Variants in CDYL observed in about 807,000 individuals in gnomAD.
CDYL encodes the protein chromodomain Y like, also known as chromodomain Y-like protein.
In CDYL, 8 loss-of-function variants were observed where a neutral mutation model predicts 47.3. The ratio of observed to expected loss-of-function variants is 0.17; its 90% CI spans 0.10 to 0.31. CDYL has a LOEUF of 0.31. Ranked by LOEUF, CDYL falls within the 10% of genes least tolerant of loss-of-function variation. The pLI is 1.00. For synonymous variants in CDYL, 266 were observed against 265.0 expected (o/e 1.00, Z -0.04); for missense variants, 471 against 701.4 (o/e 0.67, Z 3.71).
upstream of CDYL, among the ~76,000 whole-genome samples, chr6:4,771,499 A>G (rs1017301623): frequency 5.9e-5 from 9 of 152,156 alleles, no homozygotes; most frequent in African/African-American, 1.7e-4. Flanking sequence ...TACACTAGAC[A>G]ATACTAGTGA....
rs182235500 is a variant in CDYL at position 4,852,128 on chromosome 6, G to A, written c.25-39585G>A. Among the ~76,000 whole-genome samples the A allele has an allele frequency of 5.9e-5, 9 of 152,230 alleles. No individual in the cohort carries two copies. In the East Asian group the frequency reaches 7.7e-4, roughly 13 times the overall value. On this transcript the variant is annotated intron_variant, in intron 1 of 6. Transcript: ENST00000397588. Reference sequence around the variant, plus strand: ...GCACCAGGCAGAAATCCCATTTCCCGTTAATGTTTCAACATGTGGATTTAG... The same window carrying A: ...GCACCAGGCAGAAATCCCATTTCCCATTAATGTTTCAACATGTGGATTTAG...
chr6:4,763,539 G>A (rs77739649), intron 3 of CDYL, among the ~76,000 whole-genome samples: 2 of 152,202 alleles, frequency 1.3e-5, no homozygotes, highest in South Asian at 2.1e-4. Context: ...AAAAGTATTG[G>A]TATTACATTT....
At position 4,828,925 on chromosome 6, in the gene CDYL, G is replaced by T. The variant is rs915683212; in HGVS notation, c.24+52118G>T. Among the ~76,000 whole-genome samples the T allele has an allele frequency of 1.1e-4, 16 of 151,992 alleles. 1 individual carries two copies. The highest frequency in any genetic ancestry group is 3.9e-4 in the African/African-American group (16 of 41,398). On this transcript the variant is annotated intron_variant, in intron 1 of 6. Transcript: ENST00000397588. ...CTAGTGAATTTTTTATTTCAATTAT[G>T]TACGTTTCAGCTCCAGAATGTTTGC...
At chr6:4,940,555 T>G (rs1581282345) in intron 4 of CDYL, among the ~76,000 whole-genome samples, 1 of 152,240 alleles carries the variant, frequency 6.6e-6, no homozygotes, top group Non-Finnish European at 1.5e-5. Context: ...AGCAGCTGAC[T>G]TTGTGACGAG....
intron 1 of CDYL, among the ~76,000 whole-genome samples, chr6:4,862,987 G>A (rs1761216113): frequency 6.6e-6 from 1 of 152,192 alleles, no homozygotes; most frequent in Non-Finnish European, 1.5e-5. Context: ...TAAAGAAAAT[G>A]TGGTACATAT....
intron 1 of CDYL, among the ~76,000 whole-genome samples, chr6:4,823,434 A>G (rs1409462719): frequency 6.6e-6 from 1 of 152,264 alleles, no homozygotes; most frequent in Non-Finnish European, 1.5e-5. Flanking sequence ...GCATTCATGC[A>G]TGCCTTCCAT....
chr6:4,765,095 G>A (rs1271398057), intron 3 of CDYL, among the ~76,000 whole-genome samples: 1 of 152,044 alleles, frequency 6.6e-6, no homozygotes, highest in Non-Finnish European at 1.5e-5. Flanking sequence ...GGTCAAGGTG[G>A]GTGGATTAAC....
At chr6:4,919,874 A>G (rs1757661843) in intron 2 of CDYL, among the ~76,000 whole-genome samples, 1 of 152,224 alleles carries the variant, frequency 6.6e-6, no homozygotes, top group Non-Finnish European at 1.5e-5. Context: ...TACCCAAAGA[A>G]TTGAAAGCCG....
chr6:4,893,663 A>G (rs1470365712), intron 2 of CDYL, among the ~76,000 whole-genome samples: 2 of 151,012 alleles, frequency 1.3e-5, no homozygotes, highest in African/African-American at 4.9e-5. Context: ...ATTGCACTCC[A>G]GCCAGGGTGA....
intron 2 of CDYL, among the ~76,000 whole-genome samples, chr6:4,917,804 T>C (rs1757598621): frequency 1.3e-5 from 2 of 152,210 alleles, no homozygotes; most frequent in African/African-American, 4.8e-5. Context: ...GAACCCCTCC[T>C]TACTCTGGGT....
chr6:4,850,083 G>A (rs1394911885), intron 1 of CDYL, among the ~76,000 whole-genome samples: 13 of 152,050 alleles, frequency 8.5e-5, no homozygotes, highest in Non-Finnish European at 1.8e-4. Context: ...GAGTTTTGTG[G>A]GTAAGAGGAA....
chr6:4,829,094 T>G (rs1398386603), intron 1 of CDYL, among the ~76,000 whole-genome samples: 1 of 152,238 alleles, frequency 6.6e-6, no homozygotes, highest in Non-Finnish European at 1.5e-5. Context: ...TGTCAATTAT[T>G]TTATTATTTT....
At chr6:4,740,561 T>C (rs377720932) in intron 3 of CDYL, among the ~76,000 whole-genome samples, 2 of 152,306 alleles carry the variant, frequency 1.3e-5, no homozygotes, top group African/African-American at 4.8e-5. Flanking sequence ...TTGCATTGAA[T>C]CTAATATACT....
chr6:4,770,697 A>G (rs1451743153), intron 3 of CDYL, among the ~76,000 whole-genome samples: 3 of 152,244 alleles, frequency 2.0e-5, no homozygotes, highest in Non-Finnish European at 4.4e-5. Flanking sequence ...ACTCTGGGAT[A>G]TGTGTAATTC....
At chr6:4,873,764 T>G (rs998710375) in intron 1 of CDYL, among the ~76,000 whole-genome samples, 8 of 152,204 alleles carry the variant, frequency 5.3e-5, no homozygotes, top group Non-Finnish European at 1.2e-4. Flanking sequence ...AGTTTAGCAT[T>G]CCTGTGGTGA....
intron 1 of CDYL, among the ~76,000 whole-genome samples, chr6:4,818,356 A>T (rs941619854): frequency 6.6e-6 from 1 of 152,184 alleles, no homozygotes; most frequent in Non-Finnish European, 1.5e-5. Flanking sequence ...TTTCTAAGAA[A>T]GATTGTTTCT....
chr6:4,837,739 A>G (rs1479253385), intron 1 of CDYL, among the ~76,000 whole-genome samples: 2 of 150,984 alleles, frequency 1.3e-5, no homozygotes, highest in African/African-American at 2.4e-5. Context: ...CTGGGCTTAC[A>G]GGCACATGAG....
Position 4,952,396 on chromosome 6 carries a change from C to G in CDYL, c.1463C>G (p.Ser488Trp), listed in dbSNP as rs370584550. ...ATGGTTCGCATTAAGGAGCTTGCCT[C>G]GTGCAATCCAGTTGTATGTCTAATT... is the stretch of plus-strand genomic sequence containing the variant. The part of the protein sequence containing the change: ...EVMVRIKELA[S>W]CNPVVLEESK... The change falls in exon 6 of 7, where the codon TCG (serine) becomes TGG (tryptophan). Residue 488 changes from serine (S) to tryptophan (W), a missense_variant. Physicochemically the swap from Ser to Trp is radical, Grantham distance 177. Around this residue, in one of 3 missense-constraint regions of CDYL, gnomAD observed 57 missense variants for 74.3 expected, o/e 0.77. Transcript: ENST00000397588. 6.2e-7 allele frequency: 1 copy of G among 1,613,418 alleles called. No individual in the cohort carries two copies. The highest frequency in any genetic ancestry group is 1.3e-5 in the African/African-American group (1 of 74,880).
At chr6:4,771,667 ACCAG>A (rs1418049682), upstream of CDYL, among the ~76,000 whole-genome samples, 167 of 152,176 alleles carry the variant, frequency 1.1e-3, no homozygotes, top group African/African-American at 3.8e-3. Context: ...TATTTTCCTT[ACCAG>A]TCAAAATGTC....
Sources: gnomAD v4.1 joint callset for allele counts (sites outside exome capture counted in the v4.1 genomes callset) on GRCh38, gnomAD v4.1.1 for gene constraint, gnomAD v4.1.1 regional missense constraint, MANE v1.5 for transcripts, NCBI Gene and HGNC (gene_info 2026-07-23, HGNC 2026-07-21) for gene names.